The following CLDN16 variants were observed in gnomAD, a reference collection of about 807,000 sequenced individuals.
CLDN16 encodes the protein claudin-16.
In CLDN16, 13 loss-of-function variants were observed where a neutral mutation model predicts 24.6. The observed-to-expected ratio is 0.53, with a 90% CI of 0.34 to 0.84. The LOEUF (loss-of-function observed/expected upper bound fraction) is 0.84. Ranked by LOEUF, CLDN16 falls within the 40% of genes least tolerant of loss-of-function variation. The pLI, the probability that CLDN16 is intolerant of heterozygous loss-of-function variation, is 0.01. For synonymous variants in CLDN16, 116 were observed against 106.7 expected (o/e 1.09, Z -0.54); for missense variants, 298 against 292.7 (o/e 1.02, Z -0.13).
chr3:190,366,733 T>A (rs1326931984), intron 1 of CLDN16, among the ~76,000 whole-genome samples: 1 of 151,966 alleles, frequency 6.6e-6, no homozygotes, highest in Non-Finnish European at 1.5e-5. Flanking sequence ...TCCTGAGATG[T>A]GGGCTGCTTT....
the CLDN16 span, among the ~76,000 whole-genome samples, chr3:190,296,870 G>A: frequency 6.6e-6 from 1 of 152,086 alleles, no homozygotes; most frequent in African/African-American, 2.4e-5. Flanking sequence ...TTTAAGTGAT[G>A]TGGAAATCTT....
chr3:190,328,303 T>G (rs557069616), intron 1 of CLDN16, among the ~76,000 whole-genome samples: 110 of 152,180 alleles, frequency 7.2e-4, no homozygotes, highest in Non-Finnish European at 1.4e-3. Context: ...ATCTTAATTT[T>G]TAATACCTTG....
At chr3:190,407,616 G>A (rs746552646) in intron 3 of CLDN16, among the ~76,000 whole-genome samples, 3 of 152,114 alleles carry the variant, frequency 2.0e-5, no homozygotes, top group Non-Finnish European at 2.9e-5. Context: ...CACTAGTGGC[G>A]TCATTTCAAA....
chr3:190,339,418 A>C (rs1176260982), intron 1 of CLDN16, among the ~76,000 whole-genome samples: 1 of 152,228 alleles, frequency 6.6e-6, no homozygotes, highest in Non-Finnish European at 1.5e-5. Context: ...CTAATGAAGC[A>C]GAAGCAAGCA....
At chr3:190,389,656 G>GAA (rs57059868) in intron 1 of CLDN16, among the ~76,000 whole-genome samples, 22,165 of 152,144 alleles carry the variant, frequency 0.15, 2,009 homozygotes, top group Non-Finnish European at 0.2. Context: ...TGTAAAGGAT[G>GAA]TCTGCTATAA....
upstream of CLDN16, among the ~76,000 whole-genome samples, chr3:190,384,581 C>G (rs1178224179): frequency 6.6e-6 from 1 of 152,194 alleles, no homozygotes; most frequent in African/African-American, 2.4e-5. Flanking sequence ...ATTGACCAAA[C>G]TGTTGGTCTT....
rs542757167 is a variant in CLDN16 at position 190,353,041 on chromosome 3, G to A, written n.122-17852G>A. 1.6e-4 allele frequency among the ~76,000 whole-genome samples: 24 copies of A among 152,034 alleles called. 1 individual carries two copies. The highest frequency in any genetic ancestry group is 5.8e-4 in the African/African-American group (24 of 41,492). On this transcript the variant is annotated intron_variant and non_coding_transcript_variant, in intron 1 of 4. Transcript: ENST00000468220. ...CTCTTAATAAAATACGCAACCAATA[G>A]TAAGTGTTCATTAATATTTGCTGAG...
In CLDN16 at chr3:190,403,176, A is replaced by G. The variant is rs377277512; in HGVS notation, c.217+737A>G. 5.3e-5 allele frequency among the ~76,000 whole-genome samples: 8 copies of G among 152,136 alleles called. No individual in the cohort carries two copies. The East Asian group carries it at 1.5e-3, about 29-fold the overall frequency. ...AACCCCATCCCTAATAAAATTACCA[A>G]AAAAAGTTAGCTCATCATGGTGGTG... On this transcript the variant is annotated intron_variant, in intron 2 of 4. Transcript: ENST00000264734.
chr3:190,404,993 G>C, intron 3 of CLDN16, 67 bp downstream of exon 3: 2 of 1,492,252 alleles, frequency 1.3e-6, no homozygotes, highest in Non-Finnish European at 9.3e-7. Context: ...GTGAAGGAGA[G>C]AGTTGTGCTG....
chr3:190,340,268 T>C (rs888409523), intron 1 of CLDN16, among the ~76,000 whole-genome samples: 3 of 152,222 alleles, frequency 2.0e-5, no homozygotes, highest in Non-Finnish European at 2.9e-5. Context: ...GGATGCCTAC[T>C]GTATTAGTCC....
At chr3:190,386,759 T>C (rs6804363), upstream of CLDN16, among the ~76,000 whole-genome samples, 200 of 152,342 alleles carry the variant, frequency 1.3e-3, no homozygotes, top group African/African-American at 4.5e-3. Context: ...TAAGCTTATA[T>C]TCCACCTATG....
chr3:190,305,210 C>T, the CLDN16 span, among the ~76,000 whole-genome samples: 2 of 152,148 alleles, frequency 1.3e-5, no homozygotes, highest in Non-Finnish European at 2.9e-5. Flanking sequence ...TCAATATGAA[C>T]ATTGTCCAGG....
At chr3:190,318,305 T>G (rs1315278287), upstream of CLDN16, among the ~76,000 whole-genome samples, 2 of 152,346 alleles carry the variant, frequency 1.3e-5, no homozygotes, top group East Asian at 3.9e-4. Flanking sequence ...GCTTCTATAT[T>G]ACCTCCATTA....
chr3:190,409,973 C>G lies in CLDN16; in HGVS notation c.645C>G (p.Ala215=). The G allele has an allele frequency of 6.2e-7, 1 of 1,613,874 alleles. No individual in the cohort carries two copies. The highest frequency in any genetic ancestry group is 1.1e-5 in the South Asian group (1 of 91,054). Residue 215 remains alanine (A), a synonymous_variant, in exon 5 of 5, where the codon GCC becomes GCG. Transcript: ENST00000264734. The part of the protein sequence containing the change: ...KAYSAAGVSM[A]KSYSAPRTET... ...ATTCAGCCGCGGGTGTTTCCATGGC[C>G]AAGTCATACTCAGCCCCTCGCACAG...
intron 2 of CLDN16, among the ~76,000 whole-genome samples, chr3:190,371,576 C>T (rs2108647572): frequency 6.6e-6 from 1 of 152,026 alleles, no homozygotes; most frequent in Middle Eastern, 3.4e-3. Flanking sequence ...ACATTCCCAG[C>T]CTGTTCCTTG....
the CLDN16 span, chr3:190,313,168 T>C: frequency 2.0e-6 from 2 of 978,034 alleles, no homozygotes; most frequent in East Asian, 2.5e-5. Context: ...ACCCCAGTCA[T>C]ACTGATGTTT....
intron 4 of CLDN16, among the ~76,000 whole-genome samples, chr3:190,409,317 C>T (rs1719208195): frequency 6.6e-6 from 1 of 151,336 alleles, no homozygotes; most frequent in African/African-American, 2.4e-5. Context: ...TGTATATATG[C>T]ACACATGTAT....
chr3:190,313,233 A>T, the CLDN16 span: 1 of 592,484 alleles, frequency 1.7e-6, no homozygotes, highest in Non-Finnish European at 3.0e-6. Flanking sequence ...GCCAGGCTGG[A>T]TGATGAAAAA....
At chr3:190,324,114 G>A (rs560906111) in intron 1 of CLDN16, among the ~76,000 whole-genome samples, 6 of 152,168 alleles carry the variant, frequency 3.9e-5, no homozygotes, top group African/African-American at 1.2e-4. Context: ...AGTACCATGT[G>A]AATCATATAA....
Sources: gnomAD v4.1 joint callset for allele counts (sites outside exome capture counted in the v4.1 genomes callset) on GRCh38, gnomAD v4.1.1 for gene constraint, MANE v1.5 for transcripts, NCBI Gene and HGNC (gene_info 2026-07-23, HGNC 2026-07-21) for gene names.